Variants in TTC23 observed in about 807,000 individuals in gnomAD.
TTC23 encodes the protein tetratricopeptide repeat domain 23, also known as tetratricopeptide repeat protein 23.
TTC23 carries 58 observed loss-of-function variants against 55.1 expected under a neutral mutation model. That is an observed-to-expected ratio of 1.05 (90% confidence interval 0.85 to 1.31). The LOEUF (loss-of-function observed/expected upper bound fraction) is 1.31, where lower values mean the gene tolerates loss of function less well. TTC23 is among the 50% of genes most tolerant of loss of function. The probability of loss-of-function intolerance (pLI) is 0.00; values close to 1 mark genes in which losing one functional copy is unlikely to be tolerated. For synonymous variants in TTC23, 203 were observed against 199.9 expected (o/e 1.02, Z -0.13); for missense variants, 516 against 534.4 (o/e 0.97, Z 0.34).
chr15:99,184,717 C>A (rs1050107598), intron 9 of TTC23, among the ~76,000 whole-genome samples: 2 of 152,002 alleles, frequency 1.3e-5, no homozygotes, highest in African/African-American at 4.8e-5. Context: ...TTTGGGTTAA[C>A]GTTGGAATGA....
At chr15:99,197,269 A>AT (rs1329364991) in intron 9 of TTC23, among the ~76,000 whole-genome samples, 7 of 151,768 alleles carry the variant, frequency 4.6e-5, no homozygotes, top group Non-Finnish European at 8.8e-5. Context: ...TGCCCGGCTA[A>AT]TTTTTTGTAT....
At chr15:99,142,195 C>G (rs1240746057) in intron 12 of TTC23, among the ~76,000 whole-genome samples, 2 of 152,162 alleles carry the variant, frequency 1.3e-5, no homozygotes, top group African/African-American at 4.8e-5. Context: ...TTCCAGCACC[C>G]TGCTTGGGTT....
chr15:99,214,852 C>CTTTTTT (rs777804106), intron 8 of TTC23, among the ~76,000 whole-genome samples: 2 of 99,882 alleles, frequency 2.0e-5, no homozygotes, highest in African/African-American at 3.9e-5. Flanking sequence ...TTCTTTTCTC[C>CTTTTTT]TTTTTTTTTT....
chr15:99,249,167 T>C lies in TTC23; in HGVS notation c.-431+4A>G, dbSNP rs2080516911. 1 of 152,184 alleles carries C rather than the reference T, an allele frequency of 6.6e-6. No homozygotes were observed. Among genetic ancestry groups the C allele is most frequent in the African/African-American group, 2.4e-5 (1 of 41,462 alleles). The allele number at this position is 152,184 out of a possible 1,614,324, so 9.4% of individuals were successfully genotyped here. Reference sequence around the variant, plus strand: ...AGTTAATCTTATTATCTTGCCTCCTTTACCTTTCAAAAATCCACTGATAAT... The same window carrying C: ...AGTTAATCTTATTATCTTGCCTCCTCTACCTTTCAAAAATCCACTGATAAT... On this transcript the variant is annotated splice_donor_region_variant and intron_variant, in intron 1 of 13. Transcript: ENST00000394132.
upstream of TTC23, chr15:99,251,202 C>G (rs1004330054): frequency 1.6e-4 from 25 of 152,516 alleles, no homozygotes; most frequent in African/African-American, 6.0e-4. Flanking sequence ...TCAAACCCCA[C>G]GCCGGAGCCG....
rs2080165884 is a variant in TTC23 at position 99,245,520 on chromosome 15, A to G, written c.-430-10T>C. 1 of 151,966 alleles carries G rather than the reference A, an allele frequency of 6.6e-6. No individual in the cohort carries two copies. The highest frequency in any genetic ancestry group is 6.5e-5 in the Admixed American group (1 of 15,276). 9.4% of individuals were successfully genotyped at this position (151,966 alleles called of 1,614,324 possible). Reference sequence around the variant, plus strand: ...CAGAGCGAGACTCCATCTCAAAAAAAAAAAAAAAAGAATTAATATATAGAA... The same window carrying G: ...CAGAGCGAGACTCCATCTCAAAAAAGAAAAAAAAAGAATTAATATATAGAA... On this transcript the variant is annotated splice_polypyrimidine_tract_variant and intron_variant, in intron 1 of 13. Transcript: ENST00000394132.
chr15:99,171,051 C>T (rs2072858443), intron 10 of TTC23, among the ~76,000 whole-genome samples: 1 of 152,162 alleles, frequency 6.6e-6, no homozygotes, highest in South Asian at 2.1e-4. Flanking sequence ...CGTTTGAGGC[C>T]TTAGGGGCAA....
At chr15:99,240,086 TA>T (rs774446380) in intron 3 of TTC23, among the ~76,000 whole-genome samples, 8 of 152,226 alleles carry the variant, frequency 5.3e-5, no homozygotes, top group Non-Finnish European at 1.2e-4. Flanking sequence ...GCCTGCATTT[TA>T]AAAAGTGATC....
At chr15:99,197,373 A>G (rs554949907) in intron 9 of TTC23, among the ~76,000 whole-genome samples, 1 of 151,994 alleles carries the variant, frequency 6.6e-6, no homozygotes, top group South Asian at 2.1e-4. Context: ...AAGTGCTGGG[A>G]TTACAGGTGT....
intron 1 of TTC23, among the ~76,000 whole-genome samples, chr15:99,247,185 G>A (rs2080322556): frequency 6.6e-6 from 1 of 152,184 alleles, no homozygotes; most frequent in Non-Finnish European, 1.5e-5. Context: ...TGGTGAGGAT[G>A]TGGACAAATT....
At chr15:99,232,725 T>C (rs2079028570) in intron 4 of TTC23, among the ~76,000 whole-genome samples, 1 of 152,098 alleles carries the variant, frequency 6.6e-6, no homozygotes. Flanking sequence ...TGGAACACAG[T>C]AAGGAAGTTT....
At chr15:99,221,598 C>A in intron 6 of TTC23, 143 bp downstream of exon 6, 1 of 1,060,040 alleles carries the variant, frequency 9.4e-7, no homozygotes, top group Admixed American at 2.8e-5. Flanking sequence ...ACCTTATCAA[C>A]TCTTTCTAAA....
intron 9 of TTC23, among the ~76,000 whole-genome samples, chr15:99,181,580 C>T (rs1228941878): frequency 1.3e-5 from 2 of 152,176 alleles, no homozygotes; most frequent in Non-Finnish European, 2.9e-5. Flanking sequence ...GCATAGCTTG[C>T]CTTTTCACCC....
rs1489790633 is a variant in TTC23 at position 99,161,740 on chromosome 15, C to A, written c.993G>T (p.Glu331Asp). 1 of 1,609,172 alleles carries A rather than the reference C, an allele frequency of 6.2e-7. No homozygotes were observed. Among genetic ancestry groups the A allele is most frequent in the Non-Finnish European group, 8.5e-7 (1 of 1,178,556 alleles). Residue 331 changes from glutamate to aspartate, a missense_variant and splice_region_variant, in exon 11 of 14, where the codon GAG becomes GAT. Physicochemically the swap from Glu to Asp is conservative, Grantham distance 45. Transcript: ENST00000394132. ...ACAATTGTGATCCAAACTCACTTACCTCTTTTTGTCCAGTCATTTGTAGAA... is the reference window on the plus strand; with the variant it reads ...ACAATTGTGATCCAAACTCACTTACATCTTTTTGTCCAGTCATTTGTAGAA... Reference protein sequence around the residue: ...CHFLQMTGQKERATSILRESL... With the variant: ...CHFLQMTGQKDRATSILRESL...
At chr15:99,235,658 C>T (rs2079263466) in intron 3 of TTC23, among the ~76,000 whole-genome samples, 1 of 152,228 alleles carries the variant, frequency 6.6e-6, no homozygotes, top group Non-Finnish European at 1.5e-5. Flanking sequence ...GCATGAGCCA[C>T]TGTGCCCGGA....
Position 99,182,015 on chromosome 15 carries a change from T to G in TTC23, c.760-6860A>C, listed in dbSNP as rs186777357. Among the ~76,000 whole-genome samples the G allele has an allele frequency of 1.7e-3, 259 of 152,326 alleles. 1 individual carries two copies. Among genetic ancestry groups the G allele is most frequent in the Non-Finnish European group, 2.9e-3 (200 of 68,022 alleles). ...CCTCAAGGGCTTATATTTTCTTCGT[T>G]TGGTTGCAAGTATGTGTTTTCTTAA... On this transcript the variant is annotated intron_variant, in intron 9 of 13. Coordinates refer to ENST00000394132, the MANE Select transcript of TTC23 (RefSeq NM_001288615.3).
chr15:99,176,587 T>C (rs1416510138), intron 9 of TTC23, among the ~76,000 whole-genome samples: 1 of 152,118 alleles, frequency 6.6e-6, no homozygotes, highest in Non-Finnish European at 1.5e-5. Flanking sequence ...CACTTCAGCC[T>C]GGGTGACAGA....
At chr15:99,139,605 A>AT (rs2067983639) in intron 12 of TTC23, 3 of 1,526,076 alleles carry the variant, frequency 2.0e-6, no homozygotes, top group Non-Finnish European at 2.6e-6. Context: ...TTTTAGCACT[A>AT]TTTCACAAAA....
chr15:99,182,248 T>TCTCTCACACACA (rs1286172224), intron 9 of TTC23, among the ~76,000 whole-genome samples: 1 of 108,604 alleles, frequency 9.2e-6, no homozygotes, highest in African/African-American at 3.8e-5. Context: ...TCTCTCTCTC[T>TCTCTCACACACA]CACACACACA....
Sources: allele counts gnomAD v4.1 joint callset (sites outside exome capture counted in the v4.1 genomes callset), GRCh38; gene constraint gnomAD v4.1.1; transcripts MANE v1.5; gene names NCBI Gene and HGNC (gene_info 2026-07-23, HGNC 2026-07-21).